Variants in PDE8B observed in about 807,000 individuals in gnomAD.
The protein encoded by PDE8B is high affinity cAMP-specific and IBMX-insensitive 3',5'-cyclic phosphodiesterase 8B.
PDE8B carries 26 observed loss-of-function variants against 101.3 expected under a neutral mutation model. The observed-to-expected ratio is 0.26, with a 90% confidence interval of 0.19 to 0.36. The LOEUF is 0.36. PDE8B is among the 10% of genes least tolerant of loss of function. PDE8B has a pLI of 1.00. For missense variants in PDE8B, 810 were observed against 1,163.1 expected, an observed-to-expected ratio of 0.70 and a Z score of 4.42; for synonymous variants, 424 against 429.3, an observed-to-expected ratio of 0.99 and a Z score of 0.15.
chr5:77,377,483 G>A (rs926589877), intron 10 of PDE8B, among the ~76,000 whole-genome samples: 4 of 152,148 alleles, frequency 2.6e-5, no homozygotes, highest in Non-Finnish European at 4.4e-5. Context: ...TATAAAGACC[G>A]GCTTAAAAGC....
intron 1 of PDE8B, among the ~76,000 whole-genome samples, chr5:77,287,543 T>G (rs1003736010): frequency 6.8e-6 from 1 of 148,080 alleles, no homozygotes; most frequent in African/African-American, 2.5e-5. Context: ...CTTCAAATAT[T>G]GTTCCTGACG....
chr5:77,220,151 G>A (rs1280875184), intron 1 of PDE8B, among the ~76,000 whole-genome samples: 1 of 152,166 alleles, frequency 6.6e-6, no homozygotes, highest in Non-Finnish European at 1.5e-5. Flanking sequence ...TGTCCTTGTG[G>A]TTGCTGCCCT....
At chr5:77,371,375 TTCATTG>T (rs1785060656) in intron 10 of PDE8B, among the ~76,000 whole-genome samples, 1 of 152,248 alleles carries the variant, frequency 6.6e-6, no homozygotes, top group African/African-American at 2.4e-5. Flanking sequence ...CTTTCTTTTC[TTCATTG>T]GATTGTTTTG....
At chr5:77,310,160 A>G (rs940755087) in intron 1 of PDE8B, among the ~76,000 whole-genome samples, 1 of 152,086 alleles carries the variant, frequency 6.6e-6, no homozygotes, top group African/African-American at 2.4e-5. Flanking sequence ...CATGTTGGCT[A>G]GGCTGGTTTT....
the PDE8B span, among the ~76,000 whole-genome samples, chr5:77,158,777 G>A: frequency 6.6e-6 from 1 of 152,142 alleles, no homozygotes; most frequent in African/African-American, 2.4e-5. Context: ...CACATCACCT[G>A]TGATCCCGCG....
chr5:77,164,472 G>A, the PDE8B span, among the ~76,000 whole-genome samples: 1 of 152,156 alleles, frequency 6.6e-6, no homozygotes, highest in South Asian at 2.1e-4. Context: ...CAAAAGCAGA[G>A]GTCAAAGCTA....
chr5:77,275,124 C>T (rs1057346886), intron 1 of PDE8B, among the ~76,000 whole-genome samples: 5 of 152,118 alleles, frequency 3.3e-5, no homozygotes, highest in African/African-American at 1.2e-4. Flanking sequence ...ACTTGGGAGG[C>T]TGAAGCAGGA....
chr5:77,136,768 A>C, the PDE8B span, among the ~76,000 whole-genome samples: 1 of 152,212 alleles, frequency 6.6e-6, no homozygotes, highest in African/African-American at 2.4e-5. Context: ...AGCTGAGATG[A>C]GGAGAACATT....
At chr5:77,367,031 C>G (rs568370984) in intron 10 of PDE8B, among the ~76,000 whole-genome samples, 11 of 152,166 alleles carry the variant, frequency 7.2e-5, no homozygotes, top group African/African-American at 2.7e-4. Flanking sequence ...TCATTAGCTT[C>G]TATGGGGCCA....
intron 1 of PDE8B, among the ~76,000 whole-genome samples, chr5:77,223,349 G>A (rs1383689632): frequency 6.8e-6 from 1 of 147,550 alleles, no homozygotes; most frequent in Admixed American, 6.7e-5. Context: ...TCGTCATTTA[G>A]CATTAGGTAT....
intron 9 of PDE8B, among the ~76,000 whole-genome samples, chr5:77,352,171 G>A (rs1441759371): frequency 6.6e-6 from 1 of 152,220 alleles, no homozygotes; most frequent in Non-Finnish European, 1.5e-5. Flanking sequence ...GTGAGCTGGA[G>A]AGAGGCTGCC....
At chr5:77,145,052 T>C in the PDE8B span, 1 of 152,164 alleles carries the variant, frequency 6.6e-6, no homozygotes, top group South Asian at 2.1e-4. Flanking sequence ...TAAATATTAG[T>C]TTATAAACTA....
intron 1 of PDE8B, among the ~76,000 whole-genome samples, chr5:77,285,338 A>G (rs1263942416): frequency 6.6e-6 from 1 of 152,210 alleles, no homozygotes; most frequent in African/African-American, 2.4e-5. Context: ...TTAATCTGAA[A>G]TAATTATTGT....
intron 10 of PDE8B, among the ~76,000 whole-genome samples, chr5:77,382,621 A>AT (rs1210611705): frequency 1.4e-5 from 2 of 144,568 alleles, no homozygotes; most frequent in East Asian, 4.6e-4. Context: ...GTGATGTGTG[A>AT]TGTTCCCCTC....
At chr5:77,126,808 C>T in the PDE8B span, among the ~76,000 whole-genome samples, 1 of 152,192 alleles carries the variant, frequency 6.6e-6, no homozygotes, top group African/African-American at 2.4e-5. Context: ...TGAAATCTGT[C>T]ATAAATACAT....
chr5:77,230,517 A>G (rs2149483165), intron 1 of PDE8B, among the ~76,000 whole-genome samples: 1 of 152,198 alleles, frequency 6.6e-6, no homozygotes, highest in South Asian at 2.1e-4. Context: ...CCTAGGCTAG[A>G]GTATAGTGGT....
chr5:77,362,326 T>A (rs1366092421), intron 10 of PDE8B, among the ~76,000 whole-genome samples: 1 of 152,216 alleles, frequency 6.6e-6, no homozygotes, highest in African/African-American at 2.4e-5. Flanking sequence ...ACAAATGCTA[T>A]GTTTAAGAAA....
chr5:77,146,669 T>A, the PDE8B span: 6 of 299,014 alleles, frequency 2.0e-5, no homozygotes, highest in Non-Finnish European at 3.9e-5. Flanking sequence ...CCCAGATGGT[T>A]CAGTCAACTT....
At chr5:77,285,085 T>A (rs1009776794) in intron 1 of PDE8B, among the ~76,000 whole-genome samples, 1 of 152,194 alleles carries the variant, frequency 6.6e-6, no homozygotes, top group African/African-American at 2.4e-5. Context: ...TTTTCAGAAG[T>A]GTCCCAGTTT....
Sources: gnomAD v4.1 joint callset for allele counts (sites outside exome capture counted in the v4.1 genomes callset) on GRCh38, gnomAD v4.1.1 for gene constraint, MANE v1.5 for transcripts, NCBI Gene and HGNC (gene_info 2026-07-23, HGNC 2026-07-21) for gene names.